Variants in COG5 observed in about 807,000 individuals in gnomAD.
COG5 encodes conserved oligomeric Golgi complex subunit 5.
A neutral mutation model predicts 110.4 loss-of-function variants in COG5; 86 were observed. The observed-to-expected ratio is 0.78, with a 90% confidence interval of 0.65 to 0.93. The LOEUF is 0.93. Among genes scored for constraint, COG5 ranks in the 40% least tolerant of loss-of-function variants. The pLI is 0.00. For synonymous variants in COG5, 360 were observed against 334.6 expected, an observed-to-expected ratio of 1.08 and a Z score of -0.83; for missense variants, 1,077 against 987.0, an observed-to-expected ratio of 1.09 and a Z score of -1.22.
chr7:107,448,817 A>C (rs537211013), intron 6 of COG5, among the ~76,000 whole-genome samples: 2 of 152,172 alleles, frequency 1.3e-5, no homozygotes, highest in Non-Finnish European at 2.9e-5. Flanking sequence ...ATTTGAAAAA[A>C]CTTGCAGATG....
chr7:107,244,166 C>T (rs1427522426), intron 17 of COG5, among the ~76,000 whole-genome samples: 1 of 152,032 alleles, frequency 6.6e-6, no homozygotes, highest in Non-Finnish European at 1.5e-5. Context: ...GCAGGAGAAT[C>T]GCTTGAACCG....
At chr7:107,227,318 C>T (rs910811085) in intron 19 of COG5, among the ~76,000 whole-genome samples, 7 of 151,852 alleles carry the variant, frequency 4.6e-5, no homozygotes, top group African/African-American at 9.7e-5. Flanking sequence ...TGTTTGCATA[C>T]AAGTATATGC....
chr7:107,404,822 G>A (rs1791691000), intron 7 of COG5, among the ~76,000 whole-genome samples: 2 of 148,164 alleles, frequency 1.3e-5, no homozygotes, highest in African/African-American at 5.0e-5. Context: ...TAAAATGGGG[G>A]TATGGCAAGA....
chr7:107,370,802 T>TTATATATA lies in COG5; in HGVS notation c.835+1785_835+1792dup, dbSNP rs769651624. Reference sequence around the variant, plus strand: ...CAGCTAAAAAAAAAAAAAAAAAAATTTATATATATATATATACACACACAA... The same window carrying TTATATATA: ...CAGCTAAAAAAAAAAAAAAAAAAATTTATATATATATATATATATATATACACACACAA... On this transcript the variant is annotated intron_variant, in intron 8 of 21. Transcript: ENST00000297135. 4.4e-3 allele frequency among the ~76,000 whole-genome samples: 627 copies of TTATATATA among 143,382 alleles called. 3 individuals are homozygous for TTATATATA. The highest frequency in any genetic ancestry group is 7.8e-3 in the South Asian group (36 of 4,594). 94.1% of individuals were successfully genotyped at this position (143,382 alleles called of 152,430 possible).
intron 21 of COG5, among the ~76,000 whole-genome samples, chr7:107,205,518 T>A (rs1177809353): frequency 1.3e-5 from 2 of 152,192 alleles, no homozygotes; most frequent in African/African-American, 4.8e-5. Context: ...GGGTGTTTGT[T>A]CATACATTGC....
chr7:107,248,001 A>G (rs1486052213), intron 17 of COG5, among the ~76,000 whole-genome samples: 4 of 152,156 alleles, frequency 2.6e-5, no homozygotes, highest in Non-Finnish European at 4.4e-5. Flanking sequence ...CCAAGGGGTA[A>G]CAAAGGGGCT....
chr7:107,205,186 G>T (rs954513920), intron 21 of COG5, among the ~76,000 whole-genome samples: 3 of 152,118 alleles, frequency 2.0e-5, no homozygotes, highest in African/African-American at 7.2e-5. Context: ...AGCACTTGCC[G>T]TGCCCTGTTC....
intron 12 of COG5, among the ~76,000 whole-genome samples, chr7:107,288,754 C>G (rs778318442): frequency 4.0e-5 from 6 of 151,436 alleles, no homozygotes; most frequent in Admixed American, 3.3e-4. Flanking sequence ...TAATGGTAAT[C>G]CTTTGAAGCA....
chr7:107,368,214 T>C lies in COG5; in HGVS notation c.835+4381A>G, dbSNP rs1049979573. Among the ~76,000 whole-genome samples the C allele has an allele frequency of 3.9e-5, 6 of 152,114 alleles. No individual in the cohort carries two copies. The East Asian group carries it at 1.2e-3, about 29-fold the overall frequency. On this transcript the variant is annotated intron_variant, in intron 8 of 21. Transcript: ENST00000297135. The stretch of plus-strand genomic sequence containing the variant: ...GGAGGTATCAATTAGGATCTAGTAT[T>C]TCTTATGAAGAAGCATTAATTGGAA...
chr7:107,331,664 A>G (rs977736780), intron 10 of COG5, among the ~76,000 whole-genome samples: 12 of 152,094 alleles, frequency 7.9e-5, no homozygotes, highest in Non-Finnish European at 7.4e-5. Context: ...GGGCCAGAAG[A>G]TGTATTTATT....
chr7:107,543,711 T>G (rs1802218905), intron 5 of COG5, among the ~76,000 whole-genome samples: 1 of 152,068 alleles, frequency 6.6e-6, no homozygotes, highest in African/African-American at 2.4e-5. Flanking sequence ...CGCATCAGGT[T>G]GGCACCTGTG....
At chr7:107,457,712 G>A (rs1488646255) in intron 6 of COG5, among the ~76,000 whole-genome samples, 2 of 152,182 alleles carry the variant, frequency 1.3e-5, no homozygotes, top group East Asian at 3.8e-4. Context: ...TTACAGGCGT[G>A]AGCCACTGCG....
In COG5 at chr7:107,559,686, C is replaced by T. The variant is rs560811396; in HGVS notation, c.95-1571G>A. Among the ~76,000 whole-genome samples the T allele has an allele frequency of 2.6e-5, 4 of 152,338 alleles. No homozygotes were observed. The South Asian group carries it at 6.2e-4, about 24-fold the overall frequency. ...TGAAAGAAGGAAACTGCTACTTTGG[C>T]TGCTTTTAAGTCTGAGAACCACATT... On this transcript the variant is annotated intron_variant, in intron 1 of 21. Transcript: ENST00000297135.
chr7:107,502,413 C>T (rs1410157886), intron 6 of COG5, among the ~76,000 whole-genome samples: 3 of 152,028 alleles, frequency 2.0e-5, no homozygotes, highest in South Asian at 4.1e-4. Context: ...TCTTTATTCA[C>T]TCATTGGTCA....
At chr7:107,544,038 G>C (rs1328122287) in intron 5 of COG5, among the ~76,000 whole-genome samples, 1 of 152,106 alleles carries the variant, frequency 6.6e-6, no homozygotes, top group Non-Finnish European at 1.5e-5. Context: ...CCAGCCTCTA[G>C]GAAGACCCTC....
At chr7:107,276,100 A>G (rs1463881994) in intron 14 of COG5, among the ~76,000 whole-genome samples, 1 of 152,184 alleles carries the variant, frequency 6.6e-6, no homozygotes, top group Non-Finnish European at 1.5e-5. Context: ...ATGGTCTGCA[A>G]CCTGATTAAA....
At chr7:107,548,700 GT>G (rs1309656801) in intron 3 of COG5, among the ~76,000 whole-genome samples, 2 of 152,132 alleles carry the variant, frequency 1.3e-5, no homozygotes, top group African/African-American at 4.8e-5. Flanking sequence ...TAAATTTTAT[GT>G]TATGTATATT....
chr7:107,376,231 GT>G (rs1375367582), intron 7 of COG5, among the ~76,000 whole-genome samples: 1 of 151,970 alleles, frequency 6.6e-6, no homozygotes, highest in African/African-American at 2.4e-5. Flanking sequence ...CTCTGCCTCT[GT>G]TCTTCAATTT....
In COG5 at chr7:107,412,541, A is replaced by AT; in HGVS notation, c.629dup (p.Asn210LysfsTer4). On this transcript the variant is annotated frameshift_variant, in exon 7 of 22. Coordinates refer to ENST00000297135, the MANE Select transcript of COG5 (RefSeq NM_006348.5). LOFTEE classifies it high-confidence loss of function. The stretch of plus-strand genomic sequence containing the variant: ...CCTGCTCTAGTAGGCGCTTAGCTTG[A>AT]TTTTCCACTTCAAGTCGGGCTCTTG... 5.0e-6 allele frequency: 8 copies of AT among 1,613,140 alleles called. No homozygotes were observed. Among genetic ancestry groups the AT allele is most frequent in the Non-Finnish European group, 6.8e-6 (8 of 1,179,646 alleles).
Sources: allele counts gnomAD v4.1 joint callset (sites outside exome capture counted in the v4.1 genomes callset), GRCh38; gene constraint gnomAD v4.1.1; transcripts MANE v1.5; gene names NCBI Gene and HGNC (gene_info 2026-07-23, HGNC 2026-07-21).